The following FGF13 variants were observed in gnomAD, a reference collection of about 807,000 sequenced individuals.
The protein encoded by FGF13 is fibroblast growth factor 13, also known as fibroblast growth factor homologous factor 2.
Under a neutral mutation model 19.5 loss-of-function variants are expected in FGF13, and 2 were observed. The observed-to-expected ratio is 0.10, with a 90% CI of 0.04 to 0.32. The LOEUF (loss-of-function observed/expected upper bound fraction) is 0.32. Among genes scored for constraint, FGF13 ranks in the 10% least tolerant of loss-of-function variants. The pLI, the probability that FGF13 is intolerant of heterozygous loss-of-function variation, is 1.00. For synonymous variants in FGF13, 72 were observed against 76.9 expected, an observed-to-expected ratio of 0.94 and a Z score of 0.33; for missense variants, 113 against 192.7, an observed-to-expected ratio of 0.59 and a Z score of 2.45.
At chrX:138,820,291 T>G (rs749473462) in intron 3 of FGF13, among the ~76,000 whole-genome samples, 1 of 112,111 alleles carries the variant, frequency 8.9e-6, no homozygotes, top group South Asian at 3.7e-4. Flanking sequence ...ATCAATTCAA[T>G]TTGATTCAAT....
intron 3 of FGF13, among the ~76,000 whole-genome samples, chrX:138,702,163 A>G (rs1237300561): frequency 9.1e-6 from 1 of 110,432 alleles, no homozygotes; most frequent in Non-Finnish European, 1.9e-5. Flanking sequence ...TGGGCCACAG[A>G]GCAAGATTCT....
chrX:138,679,092 A>C (rs1026376661), intron 3 of FGF13, among the ~76,000 whole-genome samples: 1 of 111,543 alleles, frequency 9.0e-6, no homozygotes, highest in Non-Finnish European at 1.9e-5. Context: ...TTATTTTTAG[A>C]GGCAGGGTCT....
chrX:138,835,081 G>A (rs1011843656), intron 3 of FGF13, among the ~76,000 whole-genome samples: 15 of 111,635 alleles, frequency 1.3e-4, no homozygotes, highest in African/African-American at 2.9e-4. Context: ...TTCTGATTAC[G>A]TGATCAATTT....
chrX:139,102,590 T>C (rs1282291761), intron 1 of FGF13, among the ~76,000 whole-genome samples: 2 of 112,141 alleles, frequency 1.8e-5, no homozygotes, highest in African/African-American at 6.5e-5. Flanking sequence ...ACCCAGCACA[T>C]AACAATGCCT....
intron 1 of FGF13, among the ~76,000 whole-genome samples, chrX:138,739,000 A>G (rs750968679): frequency 9.2e-6 from 1 of 108,841 alleles, no homozygotes; most frequent in African/African-American, 3.3e-5. Context: ...GTTTCCTATA[A>G]CAATTAATAT....
chrX:139,175,784 CT>C (rs2084176790), intron 1 of FGF13, among the ~76,000 whole-genome samples: 2 of 111,988 alleles, frequency 1.8e-5, no homozygotes, highest in Non-Finnish European at 3.8e-5. Flanking sequence ...TTTTGATGTG[CT>C]GCTAGATCCA....
intron 3 of FGF13, among the ~76,000 whole-genome samples, chrX:138,756,966 C>A (rs989429234): frequency 1.8e-5 from 2 of 111,850 alleles, no homozygotes; most frequent in African/African-American, 6.5e-5. Context: ...TCCTTGGGCA[C>A]CACAAGCTGC....
chrX:138,875,231 C>CA (rs748124343), intron 1 of FGF13, among the ~76,000 whole-genome samples: 1,876 of 39,557 alleles, frequency 0.047, 50 homozygotes, highest in African/African-American at 0.11. Context: ...GACTCTGTCT[C>CA]AAAAAAAAAA....
At chrX:139,065,616 A>G (rs965089455) in intron 1 of FGF13, among the ~76,000 whole-genome samples, 2 of 111,305 alleles carry the variant, frequency 1.8e-5, no homozygotes, top group African/African-American at 6.5e-5. Flanking sequence ...TACAACCAGA[A>G]GAGCTAACTA....
At chrX:138,728,166 C>CT (rs950948114) in intron 1 of FGF13, among the ~76,000 whole-genome samples, 6 of 111,151 alleles carry the variant, frequency 5.4e-5, no homozygotes, top group African/African-American at 2.0e-4. Context: ...ATATTTCACT[C>CT]TAAGTGATAT....
At chrX:139,179,767 G>A (rs1039591018) in intron 1 of FGF13, among the ~76,000 whole-genome samples, 1 of 112,924 alleles carries the variant, frequency 8.9e-6, no homozygotes, top group South Asian at 3.6e-4. Flanking sequence ...ATCTTGGACT[G>A]GTCTGACTCA....
intron 1 of FGF13, among the ~76,000 whole-genome samples, chrX:139,155,960 T>C (rs1264208528): frequency 8.9e-6 from 1 of 112,066 alleles, no homozygotes; most frequent in African/African-American, 3.2e-5. Flanking sequence ...GCCAGGGATA[T>C]GCAAGCCACA....
chrX:139,035,919 C>T (rs961179882), intron 1 of FGF13, among the ~76,000 whole-genome samples: 1 of 112,063 alleles, frequency 8.9e-6, no homozygotes, highest in African/African-American at 3.2e-5. Context: ...GTCAAAGTAA[C>T]AGCTCAATGT....
chrX:138,624,814 C>T lies in FGF13; in HGVS notation c.*8036G>A, dbSNP rs1490420997. 9.0e-6 allele frequency: 1 copy of T among 111,645 alleles called. No individual in the cohort carries two copies. Among genetic ancestry groups the T allele is most frequent in the South Asian group, 3.8e-4 (1 of 2,600 alleles). 9.2% of individuals were successfully genotyped at this position (111,645 alleles called of 1,213,427 possible). A position where few individuals can be genotyped will look rare whatever the true frequency, so the allele number is the denominator to read the frequency against. ...CACCACTGCACTCCAGCCTGGGTGACAGAGTGAGACACTGTTTCAAAAAAT... is the reference window on the plus strand; with the variant it reads ...CACCACTGCACTCCAGCCTGGGTGATAGAGTGAGACACTGTTTCAAAAAAT... On this transcript the variant is annotated 3_prime_UTR_variant, in exon 5 of 5. Transcript: ENST00000315930.
At chrX:138,960,003 G>A (rs1184172180) in intron 1 of FGF13, among the ~76,000 whole-genome samples, 4 of 111,524 alleles carry the variant, frequency 3.6e-5, no homozygotes, top group African/African-American at 6.5e-5. Flanking sequence ...TTTTAATTGG[G>A]GCATTTAGCC....
At chrX:138,981,317 T>C (rs1430746013) in intron 1 of FGF13, among the ~76,000 whole-genome samples, 3 of 32,773 alleles carry the variant, frequency 9.2e-5, no homozygotes, top group African/African-American at 4.2e-4. Flanking sequence ...AATTGTGTGC[T>C]TACACACACA....
chrX:138,938,568 A>G (rs1419379530), intron 1 of FGF13, among the ~76,000 whole-genome samples: 2 of 110,948 alleles, frequency 1.8e-5, no homozygotes, highest in Non-Finnish European at 3.8e-5. Flanking sequence ...CCAAAGAACT[A>G]TGACTTAACT....
chrX:138,749,138 A>G lies in FGF13; in HGVS notation c.218-40210T>C, dbSNP rs376546891. Among the ~76,000 whole-genome samples the G allele has an allele frequency of 2.5e-3, 281 of 111,145 alleles. 1 individual carries two copies. Among genetic ancestry groups the G allele is most frequent in the African/African-American group, 8.6e-3 (263 of 30,537 alleles). On this transcript the variant is annotated intron_variant, in intron 3 of 6. Transcript: ENST00000436198. Reference sequence around the variant, plus strand: ...GCTACAGAGGAGGGATATCTCACAGAACCTTCCATTGGTTGGGGGTTGGGA... The same window carrying G: ...GCTACAGAGGAGGGATATCTCACAGGACCTTCCATTGGTTGGGGGTTGGGA...
chrX:138,977,587 T>A (rs2091944889), intron 1 of FGF13, among the ~76,000 whole-genome samples: 1 of 112,628 alleles, frequency 8.9e-6, no homozygotes, highest in African/African-American at 3.2e-5. Flanking sequence ...TACTTGCTCA[T>A]GAATATCTGA....
Sources: gnomAD v4.1 joint callset for allele counts (sites outside exome capture counted in the v4.1 genomes callset) on GRCh38, gnomAD v4.1.1 for gene constraint, MANE v1.5 for transcripts, NCBI Gene and HGNC (gene_info 2026-07-23, HGNC 2026-07-21) for gene names.